FAM171B: variants seen among roughly 807,000 people sequenced by gnomAD.
FAM171B encodes protein FAM171B.
Under a neutral mutation model 75.6 loss-of-function variants are expected in FAM171B, and 19 were observed. That is an observed-to-expected ratio of 0.25 (90% confidence interval 0.18 to 0.37). The LOEUF is 0.37. FAM171B is among the 10% of genes least tolerant of loss of function. FAM171B has a pLI of 1.00. For missense variants in FAM171B, 848 were observed against 982.4 expected (o/e 0.86, Z 1.83); for synonymous variants, 367 against 361.7 (o/e 1.01, Z -0.17).
chr2:186,700,361 T>A (rs1378170560), intron 1 of FAM171B, among the ~76,000 whole-genome samples: 1 of 152,124 alleles, frequency 6.6e-6, no homozygotes, highest in Non-Finnish European at 1.5e-5. Context: ...GAGATATAGA[T>A]GTTTATATCA....
intron 6 of FAM171B, among the ~76,000 whole-genome samples, chr2:186,758,772 CATA>C (rs1189195538): frequency 3.3e-5 from 5 of 152,026 alleles, no homozygotes; most frequent in African/African-American, 1.2e-4. Context: ...AATAATCATG[CATA>C]ATAATCACAT....
intron 1 of FAM171B, among the ~76,000 whole-genome samples, chr2:186,713,376 C>G (rs1276743772): frequency 1.3e-5 from 2 of 152,202 alleles, no homozygotes; most frequent in African/African-American, 4.8e-5. Flanking sequence ...ACTCATTAAA[C>G]TTCCTCTGGG....
intron 1 of FAM171B, among the ~76,000 whole-genome samples, chr2:186,735,000 G>A (rs1027683451): frequency 6.6e-6 from 1 of 152,198 alleles, no homozygotes; most frequent in Non-Finnish European, 1.5e-5. Context: ...GAGCTTCCTG[G>A]GCCCCTGAGA....
Position 186,743,486 on chromosome 2 carries a change from A to G in FAM171B, c.476A>G (p.Tyr159Cys). The G allele has an allele frequency of 6.2e-7, 1 of 1,602,440 alleles. No individual in the cohort carries two copies. Among genetic ancestry groups the G allele is most frequent in the South Asian group, 1.1e-5 (1 of 90,688 alleles). The change falls in exon 3 of 8, where the codon TAT (tyrosine) becomes TGT (cysteine). Residue 159 changes from tyrosine to cysteine, a missense_variant. This residue lies in a region of FAM171B where 665 missense variants were observed against 729.0 expected (regional missense o/e 0.91). Transcript: ENST00000304698. ...LPWKTRRMPI[Y>C]SSVTLSLFPQ... ...CTAATTGTGCTATATTTCACAGTATATTCATCAGTTACACTTTCACTGTTC... is the reference window on the plus strand; with the variant it reads ...CTAATTGTGCTATATTTCACAGTATGTTCATCAGTTACACTTTCACTGTTC...
chr2:186,743,634 T>A (rs1690325563), intron 3 of FAM171B, 59 bp downstream of exon 3: 1 of 1,131,674 alleles, frequency 8.8e-7, no homozygotes, highest in Admixed American at 1.8e-5. Flanking sequence ...TAACTGTACT[T>A]CTTCACTAAG....
chr2:186,696,485 C>T (rs1458566290), intron 1 of FAM171B, among the ~76,000 whole-genome samples: 1 of 142,836 alleles, frequency 7.0e-6, no homozygotes, highest in African/African-American at 2.6e-5. Context: ...TAAATAGGAT[C>T]ATTTCTGCCC....
intron 6 of FAM171B, among the ~76,000 whole-genome samples, chr2:186,758,681 T>A (rs1453416273): frequency 2.0e-5 from 3 of 152,164 alleles, no homozygotes; most frequent in Non-Finnish European, 4.4e-5. Flanking sequence ...TTTTAAATTT[T>A]TTATCTTTAT....
chr2:186,722,359 C>G (rs1204436556), intron 1 of FAM171B, among the ~76,000 whole-genome samples: 1 of 152,012 alleles, frequency 6.6e-6, no homozygotes, highest in Non-Finnish European at 1.5e-5. Flanking sequence ...TGTATACATT[C>G]TAAGAAAAGA....
intron 6 of FAM171B, among the ~76,000 whole-genome samples, chr2:186,756,536 G>A (rs1172647675): frequency 6.6e-6 from 1 of 152,160 alleles, no homozygotes; most frequent in Non-Finnish European, 1.5e-5. Flanking sequence ...CAAGGTCAAG[G>A]TGCTGTCAGG....
At chr2:186,712,767 C>T (rs899323002) in intron 1 of FAM171B, among the ~76,000 whole-genome samples, 1 of 152,286 alleles carries the variant, frequency 6.6e-6, no homozygotes, top group East Asian at 1.9e-4. Context: ...CTTCTCACTC[C>T]TGCTCACATT....
In FAM171B at chr2:186,694,313, A is replaced by AGCC. The variant is rs1689542244; in HGVS notation, c.142_143insCGC (p.Gln47_Gln48insPro). 6.3e-7 allele frequency: 1 copy of AGCC among 1,596,864 alleles called. No individual in the cohort carries two copies. Among genetic ancestry groups the AGCC allele is most frequent in the African/African-American group, 1.4e-5 (1 of 69,180 alleles). ...CTCAGCCTCATCCAACAGCAGCAGC[A>AGCC]GCAGCAGCAACAACAACAACAACAG... On this transcript the variant is annotated inframe_insertion, in exon 1 of 8. Transcript: ENST00000304698.
intron 4 of FAM171B, among the ~76,000 whole-genome samples, chr2:186,750,843 T>G (rs1370446233): frequency 6.6e-6 from 1 of 152,184 alleles, no homozygotes; most frequent in African/African-American, 2.4e-5. Context: ...TTTTGGTTGT[T>G]GCTTTTTAGA....
intron 1 of FAM171B, among the ~76,000 whole-genome samples, chr2:186,696,549 A>G (rs1230582725): frequency 6.9e-6 from 1 of 145,176 alleles, no homozygotes; most frequent in Non-Finnish European, 1.5e-5. Context: ...AGATCGTGAA[A>G]ATGGCCTACC....
chr2:186,725,916 A>C (rs1245109119), intron 1 of FAM171B, among the ~76,000 whole-genome samples: 1 of 152,216 alleles, frequency 6.6e-6, no homozygotes, highest in Non-Finnish European at 1.5e-5. Flanking sequence ...AGCTTGGGAC[A>C]GTTGATTGAT....
At chr2:186,721,438 C>T (rs1689950846) in intron 1 of FAM171B, among the ~76,000 whole-genome samples, 1 of 152,134 alleles carries the variant, frequency 6.6e-6, no homozygotes. Context: ...TTCAAGCAAT[C>T]AGTCATGCAT....
At chr2:186,742,527 G>A (rs1338384162) in intron 2 of FAM171B, among the ~76,000 whole-genome samples, 4 of 151,936 alleles carry the variant, frequency 2.6e-5, no homozygotes, top group African/African-American at 7.3e-5. Flanking sequence ...TATACTTTTT[G>A]TATTTTACTT....
intron 1 of FAM171B, among the ~76,000 whole-genome samples, chr2:186,702,081 T>C (rs1375564070): frequency 6.6e-6 from 1 of 152,200 alleles, no homozygotes; most frequent in African/African-American, 2.4e-5. Context: ...GGTCATGAAA[T>C]GCAGTCCTGC....
chr2:186,738,417 G>A (rs1690236263), intron 1 of FAM171B, among the ~76,000 whole-genome samples: 1 of 152,116 alleles, frequency 6.6e-6, no homozygotes, highest in African/African-American at 2.4e-5. Flanking sequence ...GTAGCCATCT[G>A]TGAGGCTGAG....
intron 1 of FAM171B, among the ~76,000 whole-genome samples, chr2:186,719,705 G>C (rs948241508): frequency 6.6e-6 from 1 of 152,168 alleles, no homozygotes; most frequent in African/African-American, 2.4e-5. Context: ...AATAACATAG[G>C]AATACTCTCC....
Sources: gnomAD v4.1 joint callset for allele counts (sites outside exome capture counted in the v4.1 genomes callset) on GRCh38, gnomAD v4.1.1 for gene constraint, gnomAD v4.1.1 regional missense constraint, MANE v1.5 for transcripts, NCBI Gene and HGNC (gene_info 2026-07-23, HGNC 2026-07-21) for gene names.